ADGRL4: variants seen among roughly 807,000 people sequenced by gnomAD.
ADGRL4 encodes EGF, latrophilin and seven transmembrane domain containing 1.
Under a neutral mutation model 74.8 loss-of-function variants are expected in ADGRL4, and 90 were observed. The observed-to-expected ratio is 1.20, with a 90% CI of 1.02 to 1.43. ADGRL4 has a LOEUF of 1.43. Among genes scored for constraint, ADGRL4 ranks in the 40% most tolerant of loss-of-function variants. The pLI, the probability that ADGRL4 is intolerant of heterozygous loss-of-function variation, is 0.00. For missense variants in ADGRL4, 881 were observed against 814.3 expected (o/e 1.08, Z -1.00); for synonymous variants, 311 against 279.2 (o/e 1.11, Z -1.14).
intron 8 of ADGRL4, among the ~76,000 whole-genome samples, chr1:78,924,604 T>C (rs1404952807): frequency 6.6e-6 from 1 of 152,070 alleles, no homozygotes; most frequent in Admixed American, 6.6e-5. Flanking sequence ...GGCTGATAGA[T>C]AAGCTTACAT....
At chr1:78,938,750 T>C (rs1649412636) in intron 4 of ADGRL4, among the ~76,000 whole-genome samples, 1 of 152,090 alleles carries the variant, frequency 6.6e-6, no homozygotes, top group Non-Finnish European at 1.5e-5. Flanking sequence ...ATTACTCATG[T>C]TGAGATTCAC....
chr1:78,906,335 A>G lies in ADGRL4; in HGVS notation c.1749+11299T>C, dbSNP rs116335329. 6.4e-3 allele frequency among the ~76,000 whole-genome samples: 977 copies of G among 152,138 alleles called. 8 individuals carry two copies. Among genetic ancestry groups the G allele is most frequent in the African/African-American group, 0.018 (763 of 41,566 alleles). On this transcript the variant is annotated intron_variant, in intron 12 of 14. Transcript: ENST00000370742. ...TTCATATTTTTAACATGTTTCCATT[A>G]GGAATATTTTAATAGTGGTTTTTTT...
At chr1:78,954,813 T>C (rs1489983554) in intron 2 of ADGRL4, among the ~76,000 whole-genome samples, 3 of 152,108 alleles carry the variant, frequency 2.0e-5, no homozygotes, top group Non-Finnish European at 4.4e-5. Context: ...TACATGACAT[T>C]CAAAGGGAAC....
At chr1:78,918,197 C>G in intron 10 of ADGRL4, 147 bp from the exon 11 acceptor site, 1 of 616,750 alleles carries the variant, frequency 1.6e-6, no homozygotes, top group Admixed American at 3.2e-5. Flanking sequence ...TATTAAAATA[C>G]CATGTCAGTT....
chr1:78,980,420 C>T lies in ADGRL4; in HGVS notation c.172+24650G>A, dbSNP rs143508890. 6.5e-3 allele frequency among the ~76,000 whole-genome samples: 995 copies of T among 152,006 alleles called. 9 individuals carry two copies. Among genetic ancestry groups the T allele is most frequent in the African/African-American group, 0.019 (779 of 41,498 alleles). ...GTAAAAACAAAATAAAAAAAACTGTCTCTTACAATATATCATTGTCTCCAA... is the reference window on the plus strand; with the variant it reads ...GTAAAAACAAAATAAAAAAAACTGTTTCTTACAATATATCATTGTCTCCAA... On this transcript the variant is annotated intron_variant, in intron 2 of 14. Transcript: ENST00000370742.
chr1:78,895,258 T>C (rs969090611), intron 12 of ADGRL4, among the ~76,000 whole-genome samples: 1 of 152,036 alleles, frequency 6.6e-6, no homozygotes, highest in African/African-American at 2.4e-5. Flanking sequence ...TTGATAATAA[T>C]ACAAATATGC....
chr1:78,947,175 C>A (rs926948169), intron 2 of ADGRL4, among the ~76,000 whole-genome samples: 1 of 152,064 alleles, frequency 6.6e-6, no homozygotes, highest in Non-Finnish European at 1.5e-5. Context: ...TGACATGAAA[C>A]CCTGTTTTGG....
intron 11 of ADGRL4, 46 bp downstream of exon 11, chr1:78,917,784 C>T: frequency 6.3e-7 from 1 of 1,588,936 alleles, no homozygotes; most frequent in Middle Eastern, 1.7e-4. Context: ...ATGCAAAGCA[C>T]ATTCAAAATC....
At chr1:78,900,388 T>G (rs1354292938) in intron 12 of ADGRL4, among the ~76,000 whole-genome samples, 1 of 152,202 alleles carries the variant, frequency 6.6e-6, no homozygotes, top group African/African-American at 2.4e-5. Context: ...AACTGTGAGA[T>G]AATACGTTTG....
chr1:78,974,724 T>C (rs895904658), intron 2 of ADGRL4, among the ~76,000 whole-genome samples: 8 of 152,188 alleles, frequency 5.3e-5, no homozygotes, highest in South Asian at 2.1e-4. Flanking sequence ...CCTTAGCTCA[T>C]GGCCTTCCAC....
At chr1:78,946,463 A>C in intron 2 of ADGRL4, 37 bp from the exon 3 acceptor site, 1 of 1,508,394 alleles carries the variant, frequency 6.6e-7, no homozygotes. Context: ...ATTTTTATAT[A>C]ATTGACATAA....
chr1:78,926,868 A>G lies in ADGRL4; in HGVS notation c.1083+18T>C, dbSNP rs1337063040. 1 of 1,574,810 alleles carries G rather than the reference A, an allele frequency of 6.3e-7. No individual in the cohort carries two copies. The highest frequency in any genetic ancestry group is 1.1e-5 in the South Asian group (1 of 89,924). On this transcript the variant is annotated intron_variant, in intron 8 of 14. Transcript: ENST00000370742. ...TGTATCACAATCATAGCCAATAACT[A>G]CCAGAAAAACAGCTTACCTTTCGAT... is the stretch of plus-strand genomic sequence containing the variant.
Position 78,900,656 on chromosome 1 carries a change from G to A in ADGRL4, c.1750-7467C>T, listed in dbSNP as rs557824444. ...AGATCTGGCTGTTTGAAAGGGTGTC[G>A]CACCTCTCCCTTCACTATTCTTCTC... is the stretch of plus-strand genomic sequence containing the variant. On this transcript the variant is annotated intron_variant, in intron 12 of 14. Transcript: ENST00000370742. Among the ~76,000 whole-genome samples, 70 of 152,074 alleles carry A rather than the reference G, an allele frequency of 4.6e-4. 1 individual carries two copies. The highest frequency in any genetic ancestry group is 1.6e-3 in the African/African-American group (65 of 41,486).
At chr1:78,996,355 T>C (rs1308483053) in intron 2 of ADGRL4, among the ~76,000 whole-genome samples, 1 of 109,386 alleles carries the variant, frequency 9.1e-6, no homozygotes, top group East Asian at 3.3e-4. Context: ...TATATTCCAT[T>C]ACTACTTAAG....
intron 2 of ADGRL4, among the ~76,000 whole-genome samples, chr1:79,001,211 G>GGA: frequency 1.4e-5 from 1 of 71,814 alleles, no homozygotes; most frequent in South Asian, 6.2e-4. Context: ...GGAAGGAAGG[G>GGA]AGGAAGGGAG....
chr1:78,907,250 G>A (rs1443294390), intron 12 of ADGRL4, among the ~76,000 whole-genome samples: 1 of 151,954 alleles, frequency 6.6e-6, no homozygotes, highest in Admixed American at 6.6e-5. Flanking sequence ...TATAATGAAT[G>A]CTGCATATAA....
chr1:79,002,761 A>C (rs540829633), intron 2 of ADGRL4, among the ~76,000 whole-genome samples: 1 of 152,176 alleles, frequency 6.6e-6, no homozygotes, highest in South Asian at 2.1e-4. Context: ...AGAGGAGAGT[A>C]GATATTAGCT....
chr1:78,925,756 C>T (rs1221277103), intron 8 of ADGRL4, among the ~76,000 whole-genome samples: 8 of 151,964 alleles, frequency 5.3e-5, no homozygotes, highest in African/African-American at 1.7e-4. Flanking sequence ...TTTAAATACG[C>T]GTTTTGTTTT....
chr1:78,961,847 A>T (rs1649958742), intron 2 of ADGRL4, among the ~76,000 whole-genome samples: 1 of 151,622 alleles, frequency 6.6e-6, no homozygotes, highest in Admixed American at 6.6e-5. Flanking sequence ...ACATGGCTTG[A>T]GAATCATAAT....
Sources: allele counts gnomAD v4.1 joint callset (sites outside exome capture counted in the v4.1 genomes callset), GRCh38; gene constraint gnomAD v4.1.1; transcripts MANE v1.5; gene names NCBI Gene and HGNC (gene_info 2026-07-23, HGNC 2026-07-21).